The following KIAA2012 variants were observed in gnomAD, a reference collection of about 807,000 sequenced individuals.
KIAA2012 encodes the protein uncharacterized protein KIAA2012.
KIAA2012 carries 125 observed loss-of-function variants against 150.6 expected under a neutral mutation model. That is an observed-to-expected ratio of 0.83 (90% CI 0.72 to 0.96). KIAA2012 has a LOEUF of 0.96. Ranked by LOEUF, KIAA2012 falls within the 40% of genes least tolerant of loss-of-function variation. The probability of loss-of-function intolerance (pLI) is 0.00; values close to 1 mark genes in which losing one functional copy is unlikely to be tolerated. For synonymous variants in KIAA2012, 462 were observed against 504.7 expected (o/e 0.92, Z 1.13); for missense variants, 1,219 against 1,354.9 (o/e 0.90, Z 1.57).
At chr2:202,188,913 C>G (rs1439597229) in intron 18 of KIAA2012, among the ~76,000 whole-genome samples, 1 of 152,172 alleles carries the variant, frequency 6.6e-6, no homozygotes, top group Non-Finnish European at 1.5e-5. Context: ...TTTCTTTAGC[C>G]TAAAACTTAC....
At chr2:202,183,623 C>T (rs1692167088) in intron 15 of KIAA2012, among the ~76,000 whole-genome samples, 1 of 151,884 alleles carries the variant, frequency 6.6e-6, no homozygotes, top group African/African-American at 2.4e-5. Context: ...CTTGCCTCAG[C>T]CTCCCGAGTA....
intron 8 of KIAA2012, 25 bp from the exon 9 acceptor site, chr2:202,105,736 A>C: frequency 6.5e-6 from 10 of 1,547,122 alleles, no homozygotes; most frequent in Non-Finnish European, 7.9e-6. Context: ...CTCTGCTACA[A>C]TTCAGCCTCC....
chr2:202,079,733 A>G (rs2105908656), intron 2 of KIAA2012, among the ~76,000 whole-genome samples: 1 of 152,306 alleles, frequency 6.6e-6, no homozygotes, highest in Admixed American at 6.5e-5. Context: ...GTTGTTTTTT[A>G]ACAGAAGGAA....
intron 10 of KIAA2012, 49 bp from the exon 11 acceptor site, chr2:202,113,287 C>T (rs1284411531): frequency 1.4e-6 from 2 of 1,445,014 alleles, no homozygotes; most frequent in Non-Finnish European, 9.5e-7. Context: ...GGTCTGTCTC[C>T]CTCACCAACA....
In KIAA2012 at chr2:202,186,996, C is replaced by G. The variant is rs949028732; in HGVS notation, c.2274C>G (p.Pro758=). 3 of 1,550,542 alleles carry G rather than the reference C, an allele frequency of 1.9e-6. No homozygotes were observed. Among genetic ancestry groups the G allele is most frequent in the East Asian group, 2.4e-5 (1 of 40,924 alleles). Residue 758 remains proline, a synonymous_variant, in exon 17 of 24, where the codon CCC becomes CCG. Coordinates refer to ENST00000498697, the MANE Select transcript of KIAA2012 (RefSeq NM_001277372.4). ...RGLLGYGPES[P]ERLSAVYTSL... ...TTCTGGGATACGGGCCTGAGTCACCCGAGAGGTTGAGTGCTGTGTATACAT... is the reference window on the plus strand; with the variant it reads ...TTCTGGGATACGGGCCTGAGTCACCGGAGAGGTTGAGTGCTGTGTATACAT...
Position 202,138,516 on chromosome 2 carries a change from A to G in KIAA2012, c.1908+8A>G. On this transcript the variant is annotated splice_region_variant and intron_variant, in intron 13 of 23. Coordinates refer to ENST00000498697, the MANE Select transcript of KIAA2012 (RefSeq NM_001277372.4). ...CAAACAACAGAGAAGCAGGTATAGT[A>G]TTGACTCTGAATGAGGATGACACTA... 1 of 1,544,418 alleles carries G rather than the reference A, an allele frequency of 6.5e-7. No homozygotes were observed. Among genetic ancestry groups the G allele is most frequent in the Non-Finnish European group, 8.8e-7 (1 of 1,141,710 alleles).
intron 2 of KIAA2012, among the ~76,000 whole-genome samples, chr2:202,082,149 G>A (rs1185921572): frequency 2.6e-5 from 4 of 151,974 alleles, no homozygotes; most frequent in Admixed American, 6.6e-5. Flanking sequence ...CAAGTCTTTT[G>A]CCCATTTTTT....
intron 5 of KIAA2012, among the ~76,000 whole-genome samples, chr2:202,098,212 T>C (rs1689943894): frequency 6.6e-6 from 1 of 152,036 alleles, no homozygotes; most frequent in Admixed American, 6.5e-5. Context: ...ATACAAAAAT[T>C]AGCTGGGCAT....
chr2:202,122,423 T>C (rs1301498737), intron 11 of KIAA2012, among the ~76,000 whole-genome samples: 6 of 151,898 alleles, frequency 4.0e-5, no homozygotes, highest in Non-Finnish European at 8.8e-5. Flanking sequence ...GGGTCGCCCA[T>C]GACAAGACTG....
intron 13 of KIAA2012, among the ~76,000 whole-genome samples, chr2:202,144,729 C>T (rs2049191): frequency 0.32 from 48,014 of 152,040 alleles, 7,882 homozygotes; most frequent in African/African-American, 0.39. Flanking sequence ...CAGTGGCTCA[C>T]ACCTGTAATC....
chr2:202,074,864 C>T lies in KIAA2012; in HGVS notation c.85-27C>T, dbSNP rs1300353455. The T allele has an allele frequency of 5.9e-6, 9 of 1,522,306 alleles. No individual in the cohort carries two copies. The East Asian group carries it at 1.5e-4, about 25-fold the overall frequency. 94.3% of individuals were successfully genotyped at this position (1,522,306 alleles called of 1,614,324 possible). A position where few individuals can be genotyped will look rare whatever the true frequency, so the allele number is the denominator to read the frequency against. ...ATAGAAAGGTCTTCCACAGTGGCTC[C>T]GTCAAAGTGGCTGCTTCTCATTGCA... On this transcript the variant is annotated intron_variant, in intron 1 of 23. Coordinates refer to ENST00000498697, the MANE Select transcript of KIAA2012 (RefSeq NM_001277372.4).
intron 8 of KIAA2012, among the ~76,000 whole-genome samples, chr2:202,105,473 C>T (rs192348509): frequency 9.8e-5 from 15 of 152,310 alleles, no homozygotes; most frequent in African/African-American, 3.6e-4. Flanking sequence ...TCCTGTTAAC[C>T]TCTATAGGAA....
chr2:202,171,992 G>T (rs1475388026), intron 15 of KIAA2012, among the ~76,000 whole-genome samples: 1 of 151,974 alleles, frequency 6.6e-6, no homozygotes, highest in Non-Finnish European at 1.5e-5. Flanking sequence ...GATTGCAGGC[G>T]CCTGCCACCA....
intron 12 of KIAA2012, among the ~76,000 whole-genome samples, chr2:202,134,801 C>G (rs528881501): frequency 6.6e-6 from 1 of 152,246 alleles, no homozygotes; most frequent in South Asian, 2.1e-4. Flanking sequence ...GTGATCCGCC[C>G]GCCTTGGCCT....
Position 202,113,439 on chromosome 2 carries a change from G to A in KIAA2012, c.1755G>A (p.Ser585=), listed in dbSNP as rs559606261. 21 of 1,549,118 alleles carry A rather than the reference G, an allele frequency of 1.4e-5. No homozygotes were observed. The highest frequency in any genetic ancestry group is 4.8e-5 in the South Asian group (4 of 83,972). ...PGHTQTEALP[S]GKAYESVNSN... is the part of the protein sequence containing the mutation. ...ATACCCAAACCGAGGCGCTTCCATC[G>A]GGTAAAGGTAAGCTAACACATTCCA... Residue 585 remains serine (S), a synonymous_variant, in exon 11 of 24, where the codon TCG becomes TCA. Coordinates refer to ENST00000498697, the MANE Select transcript of KIAA2012 (RefSeq NM_001277372.4).
Position 202,190,227 on chromosome 2 carries a change from C to T in KIAA2012, c.2545C>T (p.Gln849Ter). 6.5e-7 allele frequency: 1 copy of T among 1,530,650 alleles called. No individual in the cohort carries two copies. The highest frequency in any genetic ancestry group is 8.8e-7 in the Non-Finnish European group (1 of 1,142,296). 94.8% of individuals were successfully genotyped at this position (1,530,650 alleles called of 1,614,324 possible). Residue 849 changes from glutamine (Q) to a stop codon, truncating the protein, a stop_gained, in exon 19 of 24, where the codon CAA becomes TAA. Transcript: ENST00000498697. LOFTEE classifies it high-confidence loss of function. ...AAAATTAGAAAAAAAAACAAGACCCCAAAGGAAAAGGACACAGAAGGAAAG... is the reference window on the plus strand; with the variant it reads ...AAAATTAGAAAAAAAAACAAGACCCTAAAGGAAAAGGACACAGAAGGAAAG... ...KKKLEKKTRP[Q>*]RKRTQKERNL...
intron 21 of KIAA2012, among the ~76,000 whole-genome samples, chr2:202,196,418 A>G (rs1251628760): frequency 1.3e-5 from 2 of 150,834 alleles, no homozygotes; most frequent in South Asian, 2.1e-4. Flanking sequence ...GATGGTCTCA[A>G]TCTCCTGACC....
At position 202,194,364 on chromosome 2, in the gene KIAA2012, T is replaced by C; in HGVS notation, c.3187+2T>C. 1 of 1,549,356 alleles carries C rather than the reference T, an allele frequency of 6.5e-7. No individual in the cohort carries two copies. The highest frequency in any genetic ancestry group is 8.7e-7 in the Non-Finnish European group (1 of 1,146,934). ...AGCAGGAGGAAGCCGAGAGGGCCGG[T>C]GAGGGGGTTCTTGAGCTCTTTGCAT... On this transcript the variant is annotated splice_donor_variant, in intron 21 of 23. Transcript: ENST00000498697. LOFTEE classifies it high-confidence loss of function.
intron 2 of KIAA2012, 81 bp from the exon 3 acceptor site, chr2:202,090,689 G>A: frequency 7.2e-7 from 1 of 1,396,456 alleles, no homozygotes; most frequent in Non-Finnish European, 9.4e-7. Context: ...GGTTACTGAT[G>A]AAGATTGTGC....
Sources: allele counts gnomAD v4.1 joint callset (sites outside exome capture counted in the v4.1 genomes callset), GRCh38; gene constraint gnomAD v4.1.1; transcripts MANE v1.5; gene names NCBI Gene and HGNC (gene_info 2026-07-23, HGNC 2026-07-21).